DTNA: variants seen among roughly 807,000 people sequenced by gnomAD.
DTNA encodes the protein dystrobrevin alpha, also known as dystrophin-related protein 3.
Under a neutral mutation model 100.7 loss-of-function variants are expected in DTNA, and 43 were observed. The observed-to-expected ratio is 0.43, with a 90% confidence interval of 0.33 to 0.55. DTNA has a LOEUF of 0.55. Ranked by LOEUF, DTNA falls within the 20% of genes least tolerant of loss-of-function variation. The pLI is 0.04. For synonymous variants in DTNA, 349 were observed against 347.9 expected, an observed-to-expected ratio of 1.00 and a Z score of -0.04; for missense variants, 798 against 953.9, an observed-to-expected ratio of 0.84 and a Z score of 2.15.
chr18:34,503,132 C>T (rs2040107301), intron 1 of DTNA, among the ~76,000 whole-genome samples: 1 of 152,006 alleles, frequency 6.6e-6, no homozygotes, highest in Non-Finnish European at 1.5e-5. Flanking sequence ...TTTATTTGCT[C>T]TGAAGACTAC....
rs150140035 is a variant in DTNA, at chr18:34,877,595, T to C, written c.1904-124T>C. ...TTCAGGAAATGAACTAAAGCACTTCTGAAAAGGAGAAGTCTTAGAAGTTTT... is the reference window on the plus strand; with the variant it reads ...TTCAGGAAATGAACTAAAGCACTTCCGAAAAGGAGAAGTCTTAGAAGTTTT... On this transcript the variant is annotated intron_variant, in intron 18 of 22. Transcript: ENST00000444659. 486 of 781,694 alleles carry C rather than the reference T, an allele frequency of 6.2e-4. 3 individuals carry two copies. The African/African-American group carries it at 7.1e-3, about 11-fold the overall frequency. The allele number at this position is 781,694 out of a possible 1,614,324, so 48.4% of individuals were successfully genotyped here.
chr18:34,625,393 G>A (rs1259448287), intron 1 of DTNA, among the ~76,000 whole-genome samples: 2 of 152,024 alleles, frequency 1.3e-5, no homozygotes, highest in African/African-American at 4.8e-5. Context: ...GGCTGGTCTG[G>A]AACTCCTGGT....
chr18:34,624,198 T>C (rs1012824991), intron 1 of DTNA, among the ~76,000 whole-genome samples: 3 of 152,224 alleles, frequency 2.0e-5, no homozygotes, highest in Non-Finnish European at 4.4e-5. Context: ...GAAGTTTTCT[T>C]GAATGATACA....
At position 34,885,670 on chromosome 18, in the gene DTNA, A is replaced by G. The variant is rs575729865; in HGVS notation, c.*31+894A>G. Among the ~76,000 whole-genome samples, 4 of 152,332 alleles carry G rather than the reference A, an allele frequency of 2.6e-5. No homozygotes were observed. The South Asian group carries it at 8.3e-4, about 32-fold the overall frequency. ...ACAGAAGAGGCCGGTATTAAAAACC[A>G]TATCCTACTCACTGGGATGTAGTTT... On this transcript the variant is annotated intron_variant, in intron 22 of 22. Transcript: ENST00000444659.
intron 1 of DTNA, among the ~76,000 whole-genome samples, chr18:34,602,167 G>A (rs939595398): frequency 1.3e-5 from 2 of 152,176 alleles, no homozygotes; most frequent in African/African-American, 2.4e-5. Flanking sequence ...AACTATAATC[G>A]ATAAAACTCA....
chr18:34,678,226 C>A (rs78681744), intron 1 of DTNA, among the ~76,000 whole-genome samples: 1 of 152,042 alleles, frequency 6.6e-6, no homozygotes, highest in African/African-American at 2.4e-5. Context: ...ATAAACCTCA[C>A]GTAATGAACA....
At chr18:34,583,029 GC>G (rs1425357407) in intron 1 of DTNA, among the ~76,000 whole-genome samples, 1 of 152,154 alleles carries the variant, frequency 6.6e-6, no homozygotes, top group Non-Finnish European at 1.5e-5. Context: ...AATAGTTTAG[GC>G]AGAAGTTCAA....
chr18:34,772,811 C>T (rs1165118768), intron 3 of DTNA, among the ~76,000 whole-genome samples: 4 of 152,214 alleles, frequency 2.6e-5, no homozygotes, highest in South Asian at 2.1e-4. Context: ...GCTGGGTTTT[C>T]GGCTTAGCTT....
intron 1 of DTNA, among the ~76,000 whole-genome samples, chr18:34,671,201 C>T (rs903826755): frequency 3.9e-5 from 6 of 152,186 alleles, no homozygotes; most frequent in Non-Finnish European, 8.8e-5. Context: ...AGTGAGGCTC[C>T]GTGGGTGGGG....
At chr18:34,590,898 T>G (rs2049650203) in intron 1 of DTNA, among the ~76,000 whole-genome samples, 1 of 152,196 alleles carries the variant, frequency 6.6e-6, no homozygotes, top group Admixed American at 6.5e-5. Context: ...TCACTCACAC[T>G]TGCATCTGGA....
intron 1 of DTNA, among the ~76,000 whole-genome samples, chr18:34,752,492 T>C (rs1470414014): frequency 6.6e-6 from 1 of 152,224 alleles, no homozygotes; most frequent in African/African-American, 2.4e-5. Context: ...TACTTTGTCC[T>C]AGAGTCCCTC....
At chr18:34,803,291 A>C (rs1355796011) in intron 4 of DTNA, among the ~76,000 whole-genome samples, 4 of 151,770 alleles carry the variant, frequency 2.6e-5, no homozygotes, top group African/African-American at 7.3e-5. Context: ...ATTTATCTAG[A>C]TTTATTGTGT....
At chr18:34,545,830 A>T (rs779788838) in intron 1 of DTNA, among the ~76,000 whole-genome samples, 3 of 152,100 alleles carry the variant, frequency 2.0e-5, no homozygotes, top group Non-Finnish European at 4.4e-5. Flanking sequence ...GGTAAGAGAA[A>T]ATTATTTTAT....
chr18:34,698,357 C>T (rs1311918522), intron 1 of DTNA, among the ~76,000 whole-genome samples: 1 of 152,202 alleles, frequency 6.6e-6, no homozygotes, highest in Non-Finnish European at 1.5e-5. Flanking sequence ...CTGGCAGGGC[C>T]ATTCTCCCTA....
chr18:34,788,711 G>T (rs533994397), intron 3 of DTNA, among the ~76,000 whole-genome samples: 1 of 152,266 alleles, frequency 6.6e-6, no homozygotes, highest in African/African-American at 2.4e-5. Flanking sequence ...CAAAATTTAT[G>T]ACAACAAAAC....
At chr18:34,571,671 A>T (rs2047603612) in intron 1 of DTNA, among the ~76,000 whole-genome samples, 1 of 152,178 alleles carries the variant, frequency 6.6e-6, no homozygotes, top group African/African-American at 2.4e-5. Context: ...GATGTTAGCA[A>T]GAGTTTTATC....
In DTNA at chr18:34,530,113, A is replaced by C. The variant is rs562503117; in HGVS notation, c.-2+36599A>C. Among the ~76,000 whole-genome samples, 66 of 151,990 alleles carry C rather than the reference A, an allele frequency of 4.3e-4. 1 individual carries two copies. The South Asian group carries it at 0.012, about 27-fold the overall frequency. On this transcript the variant is annotated intron_variant, in intron 1 of 19. Coordinates refer to the DTNA transcript ENST00000283365. The stretch of plus-strand genomic sequence containing the variant: ...ACACTTGGTGGTGATGGCATTTTGT[A>C]CTCCTGCTCATAGCTGATACAGATG...
At chr18:34,793,947 C>T in intron 3 of DTNA, 90 bp from the exon 4 acceptor site, 1 of 1,374,694 alleles carries the variant, frequency 7.3e-7, no homozygotes, top group African/African-American at 1.4e-5. Flanking sequence ...TGTGAGATAC[C>T]TAGAAAAAAA....
intron 1 of DTNA, among the ~76,000 whole-genome samples, chr18:34,664,698 C>G (rs897821632): frequency 7.9e-5 from 12 of 152,112 alleles, no homozygotes; most frequent in Admixed American, 2.0e-4. Context: ...ACAAGTACAC[C>G]TATCAATAGC....
Sources: gnomAD v4.1 joint callset for allele counts (sites outside exome capture counted in the v4.1 genomes callset) on GRCh38, gnomAD v4.1.1 for gene constraint, MANE v1.5 for transcripts, NCBI Gene and HGNC (gene_info 2026-07-23, HGNC 2026-07-21) for gene names.